The following RANBP2 variants were observed in gnomAD, a reference collection of about 807,000 sequenced individuals.
The protein encoded by RANBP2 is E3 SUMO-protein ligase RanBP2.
In RANBP2, 57 loss-of-function variants were observed where a neutral mutation model predicts 303.6. That is an observed-to-expected ratio of 0.19 (90% CI 0.15 to 0.23). The LOEUF (loss-of-function observed/expected upper bound fraction) is 0.23. Among genes scored for constraint, RANBP2 ranks in the 10% least tolerant of loss-of-function variants. RANBP2 has a pLI of 1.00. For synonymous variants in RANBP2, 1,167 were observed against 1,301.5 expected (o/e 0.90, Z 2.23); for missense variants, 3,138 against 3,780.8 (o/e 0.83, Z 4.46).
Position 108,763,287 on chromosome 2 carries a change from C to T in RANBP2, c.2748C>T (p.Ala916=), listed in dbSNP as rs1409673054. ...TTCCACCCCAACAGCATATTTATGC[C>T]TATCCGCAACAGATGCACACACCGC... ...NRLPPQQHIY[A]YPQQMHTPPV... is the part of the protein sequence containing the mutation. The change falls in exon 20 of 29, where the codon GCC becomes GCT. Residue 916 remains alanine, a synonymous_variant. Coordinates refer to ENST00000283195, the MANE Select transcript of RANBP2 (RefSeq NM_006267.5). 1 of 1,613,866 alleles carries T rather than the reference C, an allele frequency of 6.2e-7. No individual in the cohort carries two copies.
At chr2:109,042,547 ATCCT>A in the RANBP2 span, among the ~76,000 whole-genome samples, 1 of 152,154 alleles carries the variant, frequency 6.6e-6, no homozygotes, top group African/African-American at 2.4e-5. Flanking sequence ...TCTATCATCC[ATCCT>A]TTTCATTTTA....
At chr2:109,561,263 T>C in the RANBP2 span, among the ~76,000 whole-genome samples, 1 of 152,152 alleles carries the variant, frequency 6.6e-6, no homozygotes, top group South Asian at 2.1e-4. Flanking sequence ...TTGCTCTGTT[T>C]TCCCCAAGTT....
the RANBP2 span, among the ~76,000 whole-genome samples, chr2:108,809,776 C>T: frequency 6.7e-6 from 1 of 149,408 alleles, no homozygotes; most frequent in Admixed American, 6.9e-5. Context: ...CAAAGAAGGA[C>T]AATTTGACTC....
chr2:109,732,882 T>C, the RANBP2 span: 1 of 1,089,100 alleles, frequency 9.2e-7, no homozygotes. Flanking sequence ...GCAGCAGGTG[T>C]GGTCTGAGAA....
the RANBP2 span, among the ~76,000 whole-genome samples, chr2:109,055,068 T>G: frequency 9.9e-5 from 15 of 152,232 alleles, no homozygotes; most frequent in Non-Finnish European, 2.1e-4. Flanking sequence ...AAAGCTGCTA[T>G]GAGCATTCTT....
At chr2:109,661,772 C>T in the RANBP2 span, among the ~76,000 whole-genome samples, 2 of 152,208 alleles carry the variant, frequency 1.3e-5, no homozygotes, top group Non-Finnish European at 2.9e-5. Context: ...GGATGCCCTA[C>T]AGGTAAACCT....
the RANBP2 span, among the ~76,000 whole-genome samples, chr2:109,044,653 G>T: frequency 4.6e-5 from 7 of 152,248 alleles, no homozygotes; most frequent in East Asian, 9.6e-4. Flanking sequence ...TAGAGTGGTA[G>T]AATCTAAACT....
the RANBP2 span, among the ~76,000 whole-genome samples, chr2:109,330,465 C>T: frequency 6.6e-6 from 1 of 152,206 alleles, no homozygotes; most frequent in Admixed American, 6.5e-5. Flanking sequence ...AATAAACATT[C>T]CATCTTCCTT....
the RANBP2 span, among the ~76,000 whole-genome samples, chr2:109,720,484 C>G: frequency 6.6e-6 from 1 of 152,092 alleles, no homozygotes; most frequent in Admixed American, 6.6e-5. Flanking sequence ...CAGGTAAGAC[C>G]TGAGTATCAG....
the RANBP2 span, among the ~76,000 whole-genome samples, chr2:108,974,747 A>G: frequency 6.6e-6 from 1 of 152,224 alleles, no homozygotes; most frequent in Non-Finnish European, 1.5e-5. Context: ...AAAAGATACT[A>G]TTCCCATTTT....
the RANBP2 span, among the ~76,000 whole-genome samples, chr2:109,206,365 C>G: frequency 1.3e-5 from 2 of 151,808 alleles, no homozygotes; most frequent in African/African-American, 4.8e-5. Flanking sequence ...GTGGAGGGCA[C>G]CTGTAGTCCC....
At chr2:108,893,260 A>G in the RANBP2 span, among the ~76,000 whole-genome samples, 1 of 152,244 alleles carries the variant, frequency 6.6e-6, no homozygotes, top group African/African-American at 2.4e-5. Flanking sequence ...TTCTAACAGA[A>G]TAATACTGGC....
the RANBP2 span, among the ~76,000 whole-genome samples, chr2:109,777,246 G>A: frequency 1.4e-5 from 2 of 147,584 alleles, no homozygotes; most frequent in Non-Finnish European, 3.0e-5. Context: ...GTGTTTTTAA[G>A]CACAAAAGGA....
At chr2:109,738,062 C>T in the RANBP2 span, among the ~76,000 whole-genome samples, 5 of 150,742 alleles carry the variant, frequency 3.3e-5, no homozygotes, top group African/African-American at 1.2e-4. Context: ...GTTTCCTTTG[C>T]TGTGCAGAGG....
the RANBP2 span, among the ~76,000 whole-genome samples, chr2:109,517,949 C>T: frequency 2.0e-5 from 3 of 152,156 alleles, no homozygotes; most frequent in Non-Finnish European, 4.4e-5. Flanking sequence ...GATGGGAGCT[C>T]GAGTCCCATT....
At chr2:108,735,106 T>C (rs1393336159) in intron 4 of RANBP2, among the ~76,000 whole-genome samples, 1 of 152,090 alleles carries the variant, frequency 6.6e-6, no homozygotes, top group Non-Finnish European at 1.5e-5. Context: ...GTGATGACAG[T>C]GCTTTGAGAT....
intron 18 of RANBP2, among the ~76,000 whole-genome samples, chr2:108,759,064 G>A (rs1343643697): frequency 4.0e-5 from 6 of 150,558 alleles, no homozygotes; most frequent in African/African-American, 1.2e-4. Context: ...TGTCTGAAAC[G>A]TGGAGATAAT....
At chr2:108,888,680 T>TGAGC in the RANBP2 span, among the ~76,000 whole-genome samples, 1 of 152,066 alleles carries the variant, frequency 6.6e-6, no homozygotes. Flanking sequence ...CATTTCTGAT[T>TGAGC]TTATTTGGGT....
intron 1 of RANBP2, among the ~76,000 whole-genome samples, chr2:108,724,012 C>T (rs995841840): frequency 3.9e-5 from 6 of 152,192 alleles, no homozygotes; most frequent in Non-Finnish European, 7.3e-5. Context: ...CTTGGGACTT[C>T]CCTTTATCAT....
Sources: allele counts gnomAD v4.1 joint callset (sites outside exome capture counted in the v4.1 genomes callset), GRCh38; gene constraint gnomAD v4.1.1; transcripts MANE v1.5; gene names NCBI Gene and HGNC (gene_info 2026-07-23, HGNC 2026-07-21).